Variants in PNN observed in about 807,000 individuals in gnomAD.
The protein encoded by PNN is pinin.
Under a neutral mutation model 76.6 loss-of-function variants are expected in PNN, and 38 were observed. The observed-to-expected ratio is 0.50, with a 90% CI of 0.38 to 0.65. The LOEUF is 0.65. PNN is among the 30% of genes least tolerant of loss of function. PNN has a pLI of 0.00. For synonymous variants in PNN, 366 were observed against 283.7 expected (o/e 1.29, Z -2.91); for missense variants, 873 against 874.1 (o/e 1.00, Z 0.02).
At position 39,181,776 on chromosome 14, in the gene PNN, G is replaced by A. The variant is rs1190872564; in HGVS notation, c.2067G>A (p.Arg689=). The A allele has an allele frequency of 6.2e-7, 1 of 1,613,866 alleles. No individual in the cohort carries two copies. The highest frequency in any genetic ancestry group is 1.3e-5 in the African/African-American group (1 of 74,916). The stretch of plus-strand genomic sequence containing the variant: ...AGAATTCCCGGTCCGACAGAAAGAG[G>A]TCTATATCAGAGAGTAGTCGATCAG... ...KDKNSRSDRK[R]SISESSRSGK... is the part of the protein sequence containing the mutation. The change falls in exon 9 of 9, where the codon AGG becomes AGA. Residue 689 remains arginine (R), a synonymous_variant. Coordinates refer to ENST00000216832, the MANE Select transcript of PNN (RefSeq NM_002687.4).
chr14:39,179,624 T>C (rs995456776), intron 8 of PNN, among the ~76,000 whole-genome samples, 162 bp downstream of exon 8: 4 of 152,050 alleles, frequency 2.6e-5, no homozygotes, highest in Non-Finnish European at 5.9e-5. Flanking sequence ...CCGGGCGTGG[T>C]GGCTCACGCC....
Position 39,181,636 on chromosome 14 carries a change from G to A in PNN, c.1927G>A (p.Asp643Asn). Reference protein sequence around the residue: ...SRSRGRGHNRDRKHRRSVDRK... With the variant: ...SRSRGRGHNRNRKHRRSVDRK... ...GAGTAGGGGCCGGGGACATAATAGAGATAGAAAGCACAGAAGGAGCGTGGA... is the reference window on the plus strand; with the variant it reads ...GAGTAGGGGCCGGGGACATAATAGAAATAGAAAGCACAGAAGGAGCGTGGA... Residue 643 changes from aspartate (D) to asparagine (N), a missense_variant, in exon 9 of 9, where the codon GAT (aspartate) becomes AAT (asparagine). This residue lies in a region of PNN where 712 missense variants were observed against 693.1 expected (regional missense o/e 1.03). Coordinates refer to ENST00000216832, the MANE Select transcript of PNN (RefSeq NM_002687.4). 1 of 1,614,080 alleles carries A rather than the reference G, an allele frequency of 6.2e-7. No individual in the cohort carries two copies. The highest frequency in any genetic ancestry group is 2.2e-5 in the East Asian group (1 of 44,884).
chr14:39,181,529 C>T lies in PNN; in HGVS notation c.1820C>T (p.Ser607Phe). Residue 607 changes from serine (S) to phenylalanine (F), a missense_variant, in exon 9 of 9, where the codon TCC (serine) becomes TTC (phenylalanine). Physicochemically the swap from Ser to Phe is radical, Grantham distance 155. Transcript: ENST00000216832. Reference protein sequence around the residue: ...SSGSSSSRSSSSSSSSTSGSS... With the variant: ...SSGSSSSRSSFSSSSSTSGSS... The stretch of plus-strand genomic sequence containing the variant: ...GGAAGTAGTAGCAGTCGCAGTAGTT[C>T]CAGTAGCAGCTCCAGTACAAGTGGC... 1 of 1,602,938 alleles carries T rather than the reference C, an allele frequency of 6.2e-7. No homozygotes were observed. The highest frequency in any genetic ancestry group is 8.5e-7 in the Non-Finnish European group (1 of 1,174,768).
rs1594553855 is a variant in PNN at position 39,176,520 on chromosome 14, A to G, written c.186-7A>G. The G allele has an allele frequency of 6.3e-7, 1 of 1,596,900 alleles. No individual in the cohort carries two copies. The highest frequency in any genetic ancestry group is 8.5e-7 in the Non-Finnish European group (1 of 1,170,002). On this transcript the variant is annotated splice_region_variant and splice_polypyrimidine_tract_variant and intron_variant, in intron 2 of 8. Coordinates refer to ENST00000216832, the MANE Select transcript of PNN (RefSeq NM_002687.4). The stretch of plus-strand genomic sequence containing the variant: ...AAGTGTTTTATGTTGAACATTTTAA[A>G]TTTCAGGCGTGGATTCTCAGATAGT...
At chr14:39,178,241 T>C (rs566884047) in intron 6 of PNN, among the ~76,000 whole-genome samples, 25 of 152,168 alleles carry the variant, frequency 1.6e-4, no homozygotes, top group Non-Finnish European at 2.9e-4. Flanking sequence ...ATTGAAAATG[T>C]GAAGCGGCCA....
chr14:39,178,623 G>T (rs2139402024), intron 6 of PNN, among the ~76,000 whole-genome samples: 1 of 149,668 alleles, frequency 6.7e-6, no homozygotes, highest in African/African-American at 2.5e-5. Flanking sequence ...TGTTGCCCAG[G>T]CTGGTCTGAG....
intron 8 of PNN, 62 bp downstream of exon 8, chr14:39,179,524 A>C (rs1318728490): frequency 1.5e-6 from 2 of 1,334,274 alleles, no homozygotes; most frequent in African/African-American, 3.0e-5. Context: ...GTTCATATGC[A>C]CACGTTTGTT....
chr14:39,178,419 C>G (rs926244576), intron 6 of PNN, among the ~76,000 whole-genome samples: 4 of 152,056 alleles, frequency 2.6e-5, no homozygotes, highest in African/African-American at 9.7e-5. Flanking sequence ...TAATCCCCAG[C>G]TATTTGGGAG....
chr14:39,178,724 GAAAAAAAAA>G (rs61670617), intron 6 of PNN, among the ~76,000 whole-genome samples: 126 of 114,184 alleles, frequency 1.1e-3, no homozygotes, highest in African/African-American at 4.1e-3. Context: ...TTTACATAGT[GAAAAAAAAA>G]AAAAAAAAAA....
chr14:39,177,265 A>T, intron 3 of PNN, 147 bp from the exon 4 acceptor site: 1 of 627,182 alleles, frequency 1.6e-6, no homozygotes, highest in Non-Finnish European at 2.8e-6. Flanking sequence ...TCACGCCTGT[A>T]GTCCCAGCTG....
At position 39,176,532 on chromosome 14, in the gene PNN, G is replaced by T. The variant is rs761613146; in HGVS notation, c.191G>T (p.Gly64Val). ...RGRGSLLLRR[G>V]FSDSGGGPPA... The stretch of plus-strand genomic sequence containing the variant: ...TTGAACATTTTAAATTTCAGGCGTG[G>T]ATTCTCAGATAGTGGAGGAGGACCC... Residue 64 changes from glycine to valine, a missense_variant, in exon 3 of 9, where the codon GGA (glycine) becomes GTA (valine). By Grantham distance (109) the Gly-to-Val change is moderately radical. Coordinates refer to ENST00000216832, the MANE Select transcript of PNN (RefSeq NM_002687.4). 1.2e-6 allele frequency: 2 copies of T among 1,604,324 alleles called. No individual in the cohort carries two copies. Among genetic ancestry groups the T allele is most frequent in the Non-Finnish European group, 1.7e-6 (2 of 1,175,146 alleles).
chr14:39,175,376 G>C lies in PNN; in HGVS notation c.97G>C (p.Asp33His). 2.5e-6 allele frequency: 4 copies of C among 1,608,172 alleles called. No individual in the cohort carries two copies. Among genetic ancestry groups the C allele is most frequent in the Non-Finnish European group, 3.4e-6 (4 of 1,175,088 alleles). The stretch of plus-strand genomic sequence containing the variant: ...GAACATTCGCAAGCTCACCGGGCGG[G>C]ATCCGAATGACGTGAGGTAAGGGCC... ...DENIRKLTGR[D>H]PNDVRPIQAR... The change falls in exon 1 of 9, where the codon GAT becomes CAT. Residue 33 changes from aspartate (D) to histidine (H), a missense_variant. Physicochemically the swap from Asp to His is moderately conservative, Grantham distance 81. Coordinates refer to ENST00000216832, the MANE Select transcript of PNN (RefSeq NM_002687.4).
intron 8 of PNN, among the ~76,000 whole-genome samples, chr14:39,179,675 T>G (rs941352787): frequency 1.3e-5 from 2 of 151,866 alleles, no homozygotes; most frequent in African/African-American, 4.8e-5. Flanking sequence ...AGGCAGATCA[T>G]GAGGTCAGGA....
rs957449020 is a variant in PNN, at chr14:39,182,702, A to G, written c.*839A>G. Reference sequence around the variant, plus strand: ...GGTTTTTGAGTTTGTGTCTTGTCTTAACTTTGTGTTGGCTCTAACTTAAAC... The same window carrying G: ...GGTTTTTGAGTTTGTGTCTTGTCTTGACTTTGTGTTGGCTCTAACTTAAAC... On this transcript the variant is annotated 3_prime_UTR_variant, in exon 9 of 9. Transcript: ENST00000216832. 2.0e-5 allele frequency: 3 copies of G among 152,646 alleles called. No homozygotes were observed. The highest frequency in any genetic ancestry group is 7.2e-5 in the African/African-American group (3 of 41,446). 9.5% of individuals were successfully genotyped at this position (152,646 alleles called of 1,614,324 possible).
At position 39,181,524 on chromosome 14, in the gene PNN, T is replaced by C. The variant is rs1450777630; in HGVS notation, c.1815T>C (p.Ser605=). 1 of 1,601,744 alleles carries C rather than the reference T, an allele frequency of 6.2e-7. No individual in the cohort carries two copies. The highest frequency in any genetic ancestry group is 1.3e-5 in the African/African-American group (1 of 74,428). The stretch of plus-strand genomic sequence containing the variant: ...GCAGTGGAAGTAGTAGCAGTCGCAG[T>C]AGTTCCAGTAGCAGCTCCAGTACAA... ...SSSSGSSSSR[S]SSSSSSSTSG... is the part of the protein sequence containing the mutation. Residue 605 remains serine (S), a synonymous_variant, in exon 9 of 9, where the codon AGT becomes AGC. Coordinates refer to ENST00000216832, the MANE Select transcript of PNN (RefSeq NM_002687.4).
intron 1 of PNN, chr14:39,175,699 C>T (rs2053217607): frequency 2.1e-6 from 1 of 478,116 alleles, no homozygotes; most frequent in South Asian, 2.4e-5. Flanking sequence ...AACTGCAGCA[C>T]AAAGCCCCTT....
chr14:39,176,186 A>T, intron 2 of PNN, 37 bp downstream of exon 2: 3 of 1,127,450 alleles, frequency 2.7e-6, no homozygotes, highest in Non-Finnish European at 2.7e-6. Context: ...TGCTGAAACT[A>T]CTGGTACTTT....
rs778253112 is a variant in PNN at position 39,175,368 on chromosome 14, C to T, written c.89C>T (p.Thr30Ile). The T allele has an allele frequency of 2.2e-5, 36 of 1,610,710 alleles. No individual in the cohort carries two copies. Among genetic ancestry groups the T allele is most frequent in the Non-Finnish European group, 3.1e-5 (36 of 1,177,466 alleles). The change falls in exon 1 of 9, where the codon ACC (threonine) becomes ATC (isoleucine). Residue 30 changes from threonine (T) to isoleucine (I), a missense_variant. Transcript: ENST00000216832. ...KNVDENIRKL[T>I]GRDPNDVRPI... ...GTGGATGAGAACATTCGCAAGCTCA[C>T]CGGGCGGGATCCGAATGACGTGAGG...
chr14:39,181,436 G>A lies in PNN; in HGVS notation c.1727G>A (p.Arg576Gln), dbSNP rs1227792808. ...AATAAAACAAGCAAGAGTAGAAGTC[G>A]AAGCAGTAGCAGTAGCAGTTCTAGT... ...ARNKTSKSRS[R>Q]SSSSSSSSSS... The change falls in exon 9 of 9, where the codon CGA (arginine) becomes CAA (glutamine). Residue 576 changes from arginine to glutamine, a missense_variant. Coordinates refer to ENST00000216832, the MANE Select transcript of PNN (RefSeq NM_002687.4). 9.9e-6 allele frequency: 16 copies of A among 1,613,964 alleles called. No individual in the cohort carries two copies. The highest frequency in any genetic ancestry group is 1.1e-5 in the Non-Finnish European group (13 of 1,179,926).
Sources: allele counts gnomAD v4.1 joint callset (sites outside exome capture counted in the v4.1 genomes callset), GRCh38; gene constraint gnomAD v4.1.1; regional missense constraint gnomAD v4.1.1; transcripts MANE v1.5; gene names NCBI Gene and HGNC (gene_info 2026-07-23, HGNC 2026-07-21).